GHR: variants seen among roughly 807,000 people sequenced by gnomAD.
GHR encodes the protein GH receptor.
In GHR, 35 loss-of-function variants were observed where a neutral mutation model predicts 67.1. The ratio of observed to expected loss-of-function variants is 0.52; its 90% CI spans 0.40 to 0.69. GHR has a LOEUF of 0.69. GHR is among the 30% of genes least tolerant of loss of function. GHR has a pLI of 0.00. For missense variants in GHR, 792 were observed against 764.6 expected (o/e 1.04, Z -0.42); for synonymous variants, 272 against 269.1 (o/e 1.01, Z -0.10).
At chr5:42,694,894 C>A (rs1215316632) in intron 4 of GHR, 23 bp from the exon 5 acceptor site, 1 of 1,573,014 alleles carries the variant, frequency 6.4e-7, no homozygotes, top group East Asian at 2.2e-5. Flanking sequence ...AACAATTAAT[C>A]TTTTTTTAAC....
chr5:42,679,384 T>C (rs1217769062), intron 3 of GHR, among the ~76,000 whole-genome samples: 1 of 151,710 alleles, frequency 6.6e-6, no homozygotes, highest in African/African-American at 2.4e-5. Context: ...CCCAACACTT[T>C]GGGAGGCCGA....
At chr5:42,495,077 GCC>G (rs5867589) in intron 1 of GHR, among the ~76,000 whole-genome samples, 137,610 of 151,658 alleles carry the variant, frequency 0.91, 62,722 homozygotes, top group Non-Finnish European at 0.94. Flanking sequence ...CAATTCCCAC[GCC>G]CCCCCCCCAT....
chr5:42,587,429 T>C (rs926509544), intron 2 of GHR, among the ~76,000 whole-genome samples: 3 of 152,132 alleles, frequency 2.0e-5, no homozygotes, highest in South Asian at 2.1e-4. Flanking sequence ...TTTGATTTGC[T>C]TTTCCCTTGT....
intron 1 of GHR, among the ~76,000 whole-genome samples, chr5:42,534,836 A>AT (rs1011591776): frequency 6.0e-5 from 9 of 151,110 alleles, no homozygotes; most frequent in East Asian, 1.9e-4. Flanking sequence ...TTTTATTATT[A>AT]TTTTTTTTAT....
intron 1 of GHR, among the ~76,000 whole-genome samples, chr5:42,523,821 A>G (rs960610911): frequency 6.6e-6 from 1 of 152,082 alleles, no homozygotes; most frequent in African/African-American, 2.4e-5. Context: ...GAATCATGGG[A>G]GCCAGTCTTT....
chr5:42,540,257 A>G (rs563837525), intron 1 of GHR, among the ~76,000 whole-genome samples: 3 of 151,290 alleles, frequency 2.0e-5, no homozygotes, highest in African/African-American at 7.3e-5. Flanking sequence ...CTTCTGCAAC[A>G]TCTTAAAGCA....
At chr5:42,696,052 G>A (rs536678818) in intron 5 of GHR, among the ~76,000 whole-genome samples, 1 of 152,340 alleles carries the variant, frequency 6.6e-6, no homozygotes, top group Admixed American at 6.5e-5. Flanking sequence ...AATTTAGTAT[G>A]TGTCCTAACA....
chr5:42,615,780 A>T (rs966189548), intron 2 of GHR, among the ~76,000 whole-genome samples: 1 of 152,066 alleles, frequency 6.6e-6, no homozygotes, highest in Non-Finnish European at 1.5e-5. Flanking sequence ...GTTGTAATCA[A>T]AGAAAATTAT....
intron 1 of GHR, among the ~76,000 whole-genome samples, chr5:42,443,939 TGATATAGATATA>T (rs1554052072): frequency 1.4e-5 from 2 of 145,950 alleles, no homozygotes; most frequent in African/African-American, 5.2e-5. Context: ...CCAGCCAAGG[TGATATAGATATA>T]GATATAGATA....
intron 3 of GHR, among the ~76,000 whole-genome samples, chr5:42,652,906 C>T (rs894792199): frequency 2.0e-5 from 3 of 152,000 alleles, no homozygotes; most frequent in Admixed American, 6.6e-5. Context: ...TTTACATCCT[C>T]CTGATGTAGA....
intron 1 of GHR, among the ~76,000 whole-genome samples, chr5:42,504,779 A>G (rs1208581251): frequency 1.3e-5 from 2 of 152,138 alleles, no homozygotes; most frequent in East Asian, 3.8e-4. Flanking sequence ...AAATAAAATA[A>G]AAGTAAAGGT....
At chr5:42,708,620 A>G (rs1374952924) in intron 6 of GHR, among the ~76,000 whole-genome samples, 2 of 151,804 alleles carry the variant, frequency 1.3e-5, no homozygotes, top group African/African-American at 4.8e-5. Context: ...CCTGAAATAA[A>G]AAAGTTAAAC....
intron 4 of GHR, among the ~76,000 whole-genome samples, chr5:42,691,680 C>A (rs75175389): frequency 2.8e-4 from 42 of 152,348 alleles, no homozygotes; most frequent in African/African-American, 9.9e-4. Context: ...CACAACAGAA[C>A]GTGAACATGT....
intron 1 of GHR, among the ~76,000 whole-genome samples, chr5:42,530,705 G>A (rs1472999705): frequency 6.6e-6 from 1 of 152,092 alleles, no homozygotes; most frequent in Non-Finnish European, 1.5e-5. Context: ...TTCAAGGTGT[G>A]CCAGTTTTGC....
chr5:42,448,573 C>CTATTATTATTATTAT (rs56084873), intron 1 of GHR, among the ~76,000 whole-genome samples: 1 of 144,342 alleles, frequency 6.9e-6, no homozygotes, highest in East Asian at 2.1e-4. Context: ...TATCTGTTTA[C>CTATTATTATTATTAT]TATTATTATT....
At chr5:42,667,410 C>A (rs1756043689) in intron 3 of GHR, among the ~76,000 whole-genome samples, 1 of 152,100 alleles carries the variant, frequency 6.6e-6, no homozygotes, top group South Asian at 2.1e-4. Flanking sequence ...ATGGGCCTTT[C>A]AATATTTTCC....
intron 3 of GHR, among the ~76,000 whole-genome samples, chr5:42,678,970 A>G (rs898068338): frequency 1.4e-5 from 2 of 147,128 alleles, no homozygotes; most frequent in African/African-American, 4.9e-5. Context: ...ATGTAAATAT[A>G]TATTTATATT....
chr5:42,544,041 C>T (rs889404199), intron 1 of GHR, among the ~76,000 whole-genome samples: 3 of 152,060 alleles, frequency 2.0e-5, no homozygotes, highest in East Asian at 1.9e-4. Context: ...TTAAGGTTAA[C>T]GTACCTTATC....
chr5:42,635,923 A>C (rs1754155861), intron 3 of GHR, among the ~76,000 whole-genome samples: 1 of 151,878 alleles, frequency 6.6e-6, no homozygotes, highest in East Asian at 1.9e-4. Context: ...AGTAAAAAAA[A>C]TTTTAGGCCA....
Sources: gnomAD v4.1 joint callset for allele counts (sites outside exome capture counted in the v4.1 genomes callset) on GRCh38, gnomAD v4.1.1 for gene constraint, MANE v1.5 for transcripts, NCBI Gene and HGNC (gene_info 2026-07-23, HGNC 2026-07-21) for gene names.